PTPRT: variants seen among roughly 807,000 people sequenced by gnomAD.
PTPRT encodes protein tyrosine phosphatase receptor type T.
In PTPRT, 56 loss-of-function variants were observed where a neutral mutation model predicts 176.8. The ratio of observed to expected loss-of-function variants is 0.32; its 90% confidence interval spans 0.26 to 0.40. The LOEUF is 0.40. Ranked by LOEUF, PTPRT falls within the 10% of genes least tolerant of loss-of-function variation. The pLI is 1.00. For missense variants in PTPRT, 1,540 were observed against 1,908.2 expected (o/e 0.81, Z 3.60); for synonymous variants, 783 against 739.0 (o/e 1.06, Z -0.96).
At chr20:42,054,694 C>T in the PTPRT span, among the ~76,000 whole-genome samples, 1 of 152,278 alleles carries the variant, frequency 6.6e-6, no homozygotes, top group East Asian at 1.9e-4. Context: ...TCCCCAGTTC[C>T]ACCCACATTC....
chr20:42,723,837 G>T (rs2076338768), intron 6 of PTPRT, among the ~76,000 whole-genome samples: 1 of 152,302 alleles, frequency 6.6e-6, no homozygotes, highest in African/African-American at 2.4e-5. Flanking sequence ...TGATTTGAAA[G>T]CCAAAGGCAG....
chr20:42,110,475 CATG>C lies in PTPRT; in HGVS notation c.3109_3111del (p.His1037del). 1 of 1,605,480 alleles carries C rather than the reference CATG, an allele frequency of 6.2e-7. No homozygotes were observed. The highest frequency in any genetic ancestry group is 8.5e-7 in the Non-Finnish European group (1 of 1,174,412). ...TGGAAGAGGCGGAGCTCCCGGATCTCATGGTAGCCTTTCTGAGGAAAGAACGGG... is the reference window on the plus strand; with the variant it reads ...TGGAAGAGGCGGAGCTCCCGGATCTCGTAGCCTTTCTGAGGAAAGAACGGG... On this transcript the variant is annotated inframe_deletion, in exon 23 of 31. Coordinates refer to ENST00000373187, the MANE Select transcript of PTPRT (RefSeq NM_007050.6).
At chr20:42,848,584 A>C (rs149401594) in intron 2 of PTPRT, among the ~76,000 whole-genome samples, 95 of 152,266 alleles carry the variant, frequency 6.2e-4, no homozygotes, top group African/African-American at 2.0e-3. Context: ...AGTGATGTTG[A>C]GCATTTTTTC....
intron 1 of PTPRT, among the ~76,000 whole-genome samples, chr20:42,949,562 A>G (rs1329228134): frequency 6.6e-6 from 1 of 152,206 alleles, no homozygotes; most frequent in African/African-American, 2.4e-5. Context: ...GATTCATTTG[A>G]GCTGGCCAGC....
intron 15 of PTPRT, among the ~76,000 whole-genome samples, chr20:42,210,032 G>A (rs2055581596): frequency 6.6e-6 from 1 of 152,010 alleles, no homozygotes; most frequent in Non-Finnish European, 1.5e-5. Flanking sequence ...TATAAACAGA[G>A]CCAAAGACAA....
chr20:43,013,934 G>A (rs763632386), intron 1 of PTPRT, among the ~76,000 whole-genome samples: 18 of 152,146 alleles, frequency 1.2e-4, no homozygotes, highest in Non-Finnish European at 2.2e-4. Context: ...AATATCTCAA[G>A]GGATTGTTGT....
intron 1 of PTPRT, among the ~76,000 whole-genome samples, chr20:43,073,419 G>T (rs1331949722): frequency 6.6e-6 from 1 of 151,754 alleles, no homozygotes; most frequent in East Asian, 2.0e-4. Flanking sequence ...AATCTTTAGG[G>T]GGAAATGAGT....
intron 7 of PTPRT, among the ~76,000 whole-genome samples, chr20:42,567,912 A>G (rs935853536): frequency 2.0e-5 from 3 of 151,950 alleles, no homozygotes; most frequent in Non-Finnish European, 2.9e-5. Flanking sequence ...AGTCAATTCA[A>G]TGCCATCTGT....
chr20:42,782,862 T>C (rs1026393474), intron 3 of PTPRT, among the ~76,000 whole-genome samples: 3 of 152,266 alleles, frequency 2.0e-5, no homozygotes, highest in African/African-American at 7.2e-5. Context: ...AAAAAACACA[T>C]GAGTCAAGGG....
chr20:42,486,700 C>T (rs918848931), intron 7 of PTPRT, among the ~76,000 whole-genome samples: 1 of 151,766 alleles, frequency 6.6e-6, no homozygotes, highest in African/African-American at 2.4e-5. Flanking sequence ...GTGGATCAGC[C>T]AGGCATGGCT....
intron 7 of PTPRT, among the ~76,000 whole-genome samples, chr20:42,473,517 C>T (rs982840734): frequency 2.0e-5 from 3 of 152,130 alleles, no homozygotes; most frequent in African/African-American, 4.8e-5. Context: ...ACTCTCTATC[C>T]TAGGCTGGTG....
chr20:42,965,129 G>T (rs576047220), intron 1 of PTPRT, among the ~76,000 whole-genome samples: 4 of 152,062 alleles, frequency 2.6e-5, no homozygotes, highest in Admixed American at 2.0e-4. Context: ...GAAAGATAAC[G>T]CCAGGGAAGA....
intron 9 of PTPRT, among the ~76,000 whole-genome samples, chr20:42,408,494 C>T (rs2058982085): frequency 6.6e-6 from 1 of 151,704 alleles, no homozygotes; most frequent in Non-Finnish European, 1.5e-5. Flanking sequence ...CTGCTGGCAA[C>T]AAAATTAGGG....
intron 2 of PTPRT, among the ~76,000 whole-genome samples, chr20:42,838,108 C>A (rs1375005145): frequency 2.0e-5 from 3 of 152,146 alleles, no homozygotes; most frequent in Non-Finnish European, 4.4e-5. Flanking sequence ...CTCACTGCAA[C>A]TTCTGCCTCC....
At chr20:42,492,438 T>C (rs1400586517) in intron 7 of PTPRT, among the ~76,000 whole-genome samples, 1 of 152,154 alleles carries the variant, frequency 6.6e-6, no homozygotes, top group Non-Finnish European at 1.5e-5. Context: ...TCCTAATGAC[T>C]AATCATGTTA....
intron 1 of PTPRT, among the ~76,000 whole-genome samples, chr20:42,921,340 T>C (rs1172253892): frequency 6.6e-6 from 1 of 152,168 alleles, no homozygotes; most frequent in East Asian, 1.9e-4. Context: ...GGCAACATAG[T>C]GAGATACCTA....
intron 12 of PTPRT, among the ~76,000 whole-genome samples, chr20:42,284,668 A>G (rs763992975): frequency 2.0e-5 from 3 of 152,036 alleles, no homozygotes; most frequent in Non-Finnish European, 4.4e-5. Context: ...TTAGACACTG[A>G]TACTCTGTCT....
At chr20:42,110,302 G>A (rs746958999) in intron 23 of PTPRT, 31 bp downstream of exon 23, 22 of 1,561,658 alleles carry the variant, frequency 1.4e-5, no homozygotes, top group African/African-American at 4.1e-5. Flanking sequence ...TGCCCGCCTC[G>A]GCCTCCCAAG....
intron 16 of PTPRT, among the ~76,000 whole-genome samples, chr20:42,194,320 C>T (rs1991114019): frequency 6.6e-6 from 1 of 152,180 alleles, no homozygotes; most frequent in Admixed American, 6.5e-5. Context: ...CTAGATGGCC[C>T]AGTGTCTGTC....
Sources: gnomAD v4.1 joint callset for allele counts (sites outside exome capture counted in the v4.1 genomes callset) on GRCh38, gnomAD v4.1.1 for gene constraint, MANE v1.5 for transcripts, NCBI Gene and HGNC (gene_info 2026-07-23, HGNC 2026-07-21) for gene names.